The following PLA2G4E variants were observed in gnomAD, a reference collection of about 807,000 sequenced individuals.
The protein encoded by PLA2G4E is phospholipase A2 group IVE, also known as cytosolic phospholipase A2 epsilon.
PLA2G4E carries 84 observed loss-of-function variants against 109.1 expected under a neutral mutation model. The ratio of observed to expected loss-of-function variants is 0.77; its 90% CI spans 0.65 to 0.92. The LOEUF is 0.92. Ranked by LOEUF, PLA2G4E falls within the 40% of genes least tolerant of loss-of-function variation. PLA2G4E has a pLI of 0.00. For missense variants in PLA2G4E, 1,057 were observed against 1,076.6 expected, an observed-to-expected ratio of 0.98 and a Z score of 0.25; for synonymous variants, 469 against 436.1, an observed-to-expected ratio of 1.08 and a Z score of -0.94.
chr15:42,000,875 C>T (rs1039238655), intron 7 of PLA2G4E, among the ~76,000 whole-genome samples: 11 of 152,308 alleles, frequency 7.2e-5, no homozygotes, highest in African/African-American at 2.6e-4. Context: ...CCTGGCATGG[C>T]ACAGCACAGA....
intron 1 of PLA2G4E, among the ~76,000 whole-genome samples, chr15:42,014,742 A>G (rs947111191): frequency 6.6e-6 from 1 of 152,112 alleles, no homozygotes; most frequent in African/African-American, 2.4e-5. Flanking sequence ...CTTCCCAGGA[A>G]ACAGTCTGCC....
chr15:41,995,283 A>C, intron 12 of PLA2G4E, 77 bp downstream of exon 12: 1 of 1,541,130 alleles, frequency 6.5e-7, no homozygotes, highest in Non-Finnish European at 8.8e-7. Context: ...GGCGGGGAGG[A>C]GCTTCACCTG....
chr15:41,983,199 G>A (rs997827080), exon 20 of PLA2G4E: 6 of 154,496 alleles, frequency 3.9e-5, no homozygotes, highest in South Asian at 2.0e-4. Flanking sequence ...GGGAGGCAGA[G>A]GTTGCAGTGA....
At chr15:41,996,628 C>T (rs147509738) in intron 11 of PLA2G4E, among the ~76,000 whole-genome samples, 1 of 152,350 alleles carries the variant, frequency 6.6e-6, no homozygotes, top group African/African-American at 2.4e-5. Flanking sequence ...CCACCGTCTG[C>T]TCCCGTGGGA....
chr15:42,041,082 A>T lies in PLA2G4E; in HGVS notation c.183+9439T>A, dbSNP rs149708458. Among the ~76,000 whole-genome samples, 1,379 of 152,276 alleles carry T rather than the reference A, an allele frequency of 9.1e-3. 19 individuals carry two copies. The highest frequency in any genetic ancestry group is 0.031 in the African/African-American group (1,283 of 41,548). On this transcript the variant is annotated intron_variant, in intron 1 of 19. Transcript: ENST00000399518. ...GAGTCAGTAAAATGTTGGTGATAGG[A>T]TGTAGATTAGAGCAAAGTTTTTGGA...
chr15:42,026,912 G>A lies in PLA2G4E; in HGVS notation c.184-13155C>T, dbSNP rs149113981. Among the ~76,000 whole-genome samples the A allele has an allele frequency of 8.2e-3, 1,251 of 151,778 alleles. 18 individuals carry two copies. Among genetic ancestry groups the A allele is most frequent in the Non-Finnish European group, 0.015 (1,022 of 67,984 alleles). ...CGCTTGAACCCAGGAGACAGAGATT[G>A]CAGTGAGCTGAGATCACACCACTGC... On this transcript the variant is annotated intron_variant, in intron 1 of 19. Coordinates refer to ENST00000399518, the Ensembl canonical transcript of PLA2G4E.
Position 42,022,063 on chromosome 15 carries a change from C to T in PLA2G4E, c.184-8306G>A, listed in dbSNP as rs549272223. On this transcript the variant is annotated intron_variant, in intron 1 of 19. Coordinates refer to ENST00000399518, the Ensembl canonical transcript of PLA2G4E. ...CAAGGATGGGGACTCAGCACCACATCCCTCAGTAAACTCCACAAATTCAAT... is the reference window on the plus strand; with the variant it reads ...CAAGGATGGGGACTCAGCACCACATTCCTCAGTAAACTCCACAAATTCAAT... Among the ~76,000 whole-genome samples the T allele has an allele frequency of 2.7e-4, 41 of 152,168 alleles. 1 individual carries two copies. In the South Asian group the frequency reaches 8.3e-3, roughly 31 times the overall value.
rs186395330 is a variant in PLA2G4E, at chr15:42,042,332, T to G, written c.183+8189A>C. On this transcript the variant is annotated intron_variant, in intron 1 of 19. Coordinates refer to ENST00000399518, the Ensembl canonical transcript of PLA2G4E. ...TAAAAAAGACTGGAAGGAAGTATAT[T>G]AAGGGTTCAGGAAGTTATTTCTGGA... Among the ~76,000 whole-genome samples, 350 of 152,346 alleles carry G rather than the reference T, an allele frequency of 2.3e-3. 2 individuals carry two copies. Among genetic ancestry groups the G allele is most frequent in the African/African-American group, 8.1e-3 (338 of 41,572 alleles).
At position 42,001,117 on chromosome 15, in the gene PLA2G4E, C is replaced by A. The variant is rs371376199; in HGVS notation, c.673+40G>T. ...GCTGATGGGATTTGGAAGCAGCTCC[C>A]CCTTGTCCCCCAGTAGGCAGAAAAG... On this transcript the variant is annotated intron_variant, in intron 7 of 19. Coordinates refer to ENST00000399518, the Ensembl canonical transcript of PLA2G4E. 43 of 1,568,842 alleles carry A rather than the reference C, an allele frequency of 2.7e-5. No individual in the cohort carries two copies. In the African/African-American group the frequency reaches 5.4e-4, roughly 20 times the overall value.
intron 18 of PLA2G4E, 125 bp downstream of exon 18, chr15:41,985,714 T>C (rs2068129108): frequency 8.1e-7 from 1 of 1,233,674 alleles, no homozygotes; most frequent in Admixed American, 2.3e-5. Flanking sequence ...TGGCTTCCTC[T>C]GATGCTCTCT....
At chr15:41,990,022 G>C in intron 14 of PLA2G4E, 99 bp downstream of exon 14, 1 of 889,274 alleles carries the variant, frequency 1.1e-6, no homozygotes, top group Non-Finnish European at 1.8e-6. Context: ...GGTTGACAAA[G>C]ATGAGTGGGA....
rs746986411 is a variant in PLA2G4E at position 41,990,702 on chromosome 15, G to T, written c.1471-467C>A. On this transcript the variant is annotated intron_variant, in intron 13 of 19. Transcript: ENST00000399518. ...GGGGAAAAGAAGTTTCCCTTCCTCC[G>T]CTCCCCTGCCCTCCCCTCCCTCCCT... Among the ~76,000 whole-genome samples, 10 of 148,718 alleles carry T rather than the reference G, an allele frequency of 6.7e-5. No individual in the cohort carries two copies. The South Asian group carries it at 1.1e-3, about 16-fold the overall frequency.
At chr15:41,988,092 C>G in exon 16 of PLA2G4E, 1 of 1,608,266 alleles carries the variant, frequency 6.2e-7, no homozygotes, top group Non-Finnish European at 8.5e-7. Flanking sequence ...GGAAAAACTC[C>G]TCCGAGGTGT....
chr15:42,008,749 T>A (rs77988954), intron 2 of PLA2G4E, among the ~76,000 whole-genome samples: 3,838 of 152,100 alleles, frequency 0.025, 189 homozygotes, highest in African/African-American at 0.088. Flanking sequence ...CCCCTGTCAC[T>A]CTCCTGGCAG....
intron 1 of PLA2G4E, among the ~76,000 whole-genome samples, chr15:42,043,111 CG>C: frequency 6.6e-6 from 1 of 152,176 alleles, no homozygotes; most frequent in South Asian, 2.1e-4. Context: ...ACTGGGCAAG[CG>C]GGGGTGGCTC....
At chr15:42,023,168 G>A (rs1478740786) in intron 1 of PLA2G4E, among the ~76,000 whole-genome samples, 1 of 151,304 alleles carries the variant, frequency 6.6e-6, no homozygotes, top group Non-Finnish European at 1.5e-5. Flanking sequence ...GGTAGAAATT[G>A]GGCAGAAAGA....
chr15:42,029,219 G>A (rs971103198), intron 1 of PLA2G4E, among the ~76,000 whole-genome samples: 1 of 152,046 alleles, frequency 6.6e-6, no homozygotes, highest in Non-Finnish European at 1.5e-5. Flanking sequence ...TTAGCCTCCC[G>A]AGTAACTGGG....
chr15:42,003,782 C>T lies in PLA2G4E; in HGVS notation c.567-1086G>A, dbSNP rs554534711. Among the ~76,000 whole-genome samples the T allele has an allele frequency of 3.9e-5, 6 of 152,396 alleles. No individual in the cohort carries two copies. In the East Asian group the frequency reaches 1.2e-3, roughly 29 times the overall value. ...CATCACAAGCATAGGGGGCTCAGCC[C>T]TGCCAGGTGAAGAAGAGGGAGGAGT... On this transcript the variant is annotated intron_variant, in intron 5 of 19. Coordinates refer to ENST00000399518, the Ensembl canonical transcript of PLA2G4E.
chr15:42,008,459 C>T (rs1467570559), intron 2 of PLA2G4E, among the ~76,000 whole-genome samples: 1 of 152,224 alleles, frequency 6.6e-6, no homozygotes, highest in Non-Finnish European at 1.5e-5. Context: ...GCTCTTCTTA[C>T]CTATCCTGAT....
Sources: allele counts gnomAD v4.1 joint callset (sites outside exome capture counted in the v4.1 genomes callset), GRCh38; gene constraint gnomAD v4.1.1; transcripts MANE v1.5; gene names NCBI Gene and HGNC (gene_info 2026-07-23, HGNC 2026-07-21).